SLC4A4: variants seen among roughly 807,000 people sequenced by gnomAD.
SLC4A4 encodes the protein electrogenic sodium bicarbonate cotransporter 1.
In SLC4A4, 27 loss-of-function variants were observed where a neutral mutation model predicts 111.5. That is an observed-to-expected ratio of 0.24 (90% CI 0.18 to 0.33). The LOEUF is 0.33. SLC4A4 is among the 10% of genes least tolerant of loss of function. The pLI is 1.00. For missense variants in SLC4A4, 909 were observed against 1,315.5 expected (o/e 0.69, Z 4.78); for synonymous variants, 443 against 463.4 (o/e 0.96, Z 0.57).
chr4:71,440,919 T>A, intron 8 of SLC4A4, 146 bp downstream of exon 8: 1 of 879,928 alleles, frequency 1.1e-6, no homozygotes, highest in Non-Finnish European at 1.8e-6. Flanking sequence ...TTGACTTTTA[T>A]ACTGTCAAAT....
chr4:71,062,976 G>A (rs954706678), intron 1 of SLC4A4, among the ~76,000 whole-genome samples: 1 of 152,084 alleles, frequency 6.6e-6, no homozygotes, highest in African/African-American at 2.4e-5. Context: ...GTGCACACAC[G>A]CAAGTATATA....
At chr4:71,301,132 G>T in intron 3 of SLC4A4, 1 of 355,604 alleles carries the variant, frequency 2.8e-6, no homozygotes. Context: ...GCCAGCATGG[G>T]GGATGGGCAC....
chr4:71,094,858 T>C (rs1226969201), intron 2 of SLC4A4, among the ~76,000 whole-genome samples: 1 of 152,216 alleles, frequency 6.6e-6, no homozygotes, highest in Non-Finnish European at 1.5e-5. Context: ...CCAAGCTCTA[T>C]ATTTTCCAGG....
chr4:71,189,822 TA>T (rs1745652116), intron 1 of SLC4A4, among the ~76,000 whole-genome samples: 1 of 152,170 alleles, frequency 6.6e-6, no homozygotes, highest in South Asian at 2.1e-4. Context: ...TTTAAAATAA[TA>T]TGAATGAAAT....
chr4:71,234,351 C>A (rs1021385321), intron 1 of SLC4A4, among the ~76,000 whole-genome samples: 6 of 152,234 alleles, frequency 3.9e-5, no homozygotes, highest in African/African-American at 1.4e-4. Context: ...TTTGCTGAAC[C>A]AGTGAATATA....
chr4:71,438,299 A>G (rs1451544829), intron 7 of SLC4A4, among the ~76,000 whole-genome samples: 1 of 152,232 alleles, frequency 6.6e-6, no homozygotes, highest in African/African-American at 2.4e-5. Flanking sequence ...AGATGCAAAG[A>G]CAAAGAGATG....
At chr4:71,301,122 G>T (rs898901402) in intron 3 of SLC4A4, 2 of 364,584 alleles carry the variant, frequency 5.5e-6, no homozygotes, top group Non-Finnish European at 5.5e-6. Flanking sequence ...ATGGCACAGT[G>T]CCAGCATGGG....
intron 1 of SLC4A4, among the ~76,000 whole-genome samples, chr4:71,194,237 A>G (rs1745884400): frequency 6.6e-6 from 1 of 152,336 alleles, no homozygotes; most frequent in East Asian, 1.9e-4. Flanking sequence ...GTTATGAGGA[A>G]CAGATAAAGT....
At chr4:71,341,070 A>T (rs530324506) in intron 4 of SLC4A4, among the ~76,000 whole-genome samples, 2 of 152,266 alleles carry the variant, frequency 1.3e-5, no homozygotes, top group Non-Finnish European at 2.9e-5. Context: ...GCTGATTCCA[A>T]TGTATTTCAC....
chr4:71,091,004 G>A (rs140086603), intron 1 of SLC4A4, among the ~76,000 whole-genome samples: 1,952 of 152,314 alleles, frequency 0.013, 43 homozygotes, highest in African/African-American at 0.043. Flanking sequence ...CTGGAGTGCA[G>A]TGGTACAATC....
chr4:71,447,771 A>C lies in SLC4A4; in HGVS notation c.1053+38A>C, dbSNP rs777385230. On this transcript the variant is annotated intron_variant, in intron 9 of 25. Transcript: ENST00000264485. ...GAAGATGGAGTTCTGTGAATGTCCT[A>C]CTTGTTTGTTGTCATACTGTGAATT... is the stretch of plus-strand genomic sequence containing the variant. 6 of 1,300,352 alleles carry C rather than the reference A, an allele frequency of 4.6e-6. No individual in the cohort carries two copies. The African/African-American group carries it at 8.7e-5, about 19-fold the overall frequency. 80.6% of individuals were successfully genotyped at this position (1,300,352 alleles called of 1,614,324 possible).
chr4:71,231,308 G>A (rs1227160705), intron 1 of SLC4A4, among the ~76,000 whole-genome samples: 1 of 152,232 alleles, frequency 6.6e-6, no homozygotes, highest in Non-Finnish European at 1.5e-5. Context: ...GGCTCTGGGG[G>A]TGGGAACTTA....
chr4:71,135,263 A>G (rs1228640322), intron 2 of SLC4A4, among the ~76,000 whole-genome samples: 1 of 151,110 alleles, frequency 6.6e-6, no homozygotes, highest in Non-Finnish European at 1.5e-5. Context: ...ATTACCTCAC[A>G]TACTAATTTT....
chr4:71,387,815 C>T (rs1373406660), intron 6 of SLC4A4, among the ~76,000 whole-genome samples: 1 of 152,040 alleles, frequency 6.6e-6, no homozygotes. Flanking sequence ...AATTTGGATG[C>T]CTCATCAAAT....
intron 7 of SLC4A4, among the ~76,000 whole-genome samples, chr4:71,429,313 C>G (rs1298563691): frequency 6.6e-6 from 1 of 152,090 alleles, no homozygotes; most frequent in Admixed American, 6.6e-5. Context: ...GTATGAATAA[C>G]TTTTCCATCA....
chr4:71,421,586 G>T (rs1298107593), intron 7 of SLC4A4, among the ~76,000 whole-genome samples: 1 of 152,148 alleles, frequency 6.6e-6, no homozygotes, highest in Non-Finnish European at 1.5e-5. Flanking sequence ...ATACTTGGAA[G>T]TAAAGCTCTC....
chr4:71,563,085 G>A (rs1255014467), intron 23 of SLC4A4, among the ~76,000 whole-genome samples: 2 of 151,630 alleles, frequency 1.3e-5, no homozygotes, highest in Admixed American at 1.3e-4. Context: ...TGGGCTAGGT[G>A]GCTTGTTCTT....
intron 6 of SLC4A4, among the ~76,000 whole-genome samples, chr4:71,368,996 C>T (rs777053937): frequency 1.3e-5 from 2 of 152,280 alleles, no homozygotes; most frequent in African/African-American, 4.8e-5. Context: ...GCTGTGGCTG[C>T]TCATGTGTCC....
intron 16 of SLC4A4, among the ~76,000 whole-genome samples, chr4:71,529,311 T>C (rs1442759607): frequency 6.6e-6 from 1 of 152,164 alleles, no homozygotes; most frequent in Non-Finnish European, 1.5e-5. Context: ...AAAATACAGC[T>C]GGTATATTTG....
Sources: gnomAD v4.1 joint callset for allele counts (sites outside exome capture counted in the v4.1 genomes callset) on GRCh38, gnomAD v4.1.1 for gene constraint, MANE v1.5 for transcripts, NCBI Gene and HGNC (gene_info 2026-07-23, HGNC 2026-07-21) for gene names.